The following TNFSF4 variants were observed in gnomAD, a reference collection of about 807,000 sequenced individuals.
TNFSF4 encodes TNF superfamily member 4.
Under a neutral mutation model 7.3 loss-of-function variants are expected in TNFSF4, and 4 were observed. That is an observed-to-expected ratio of 0.55 (90% CI 0.27 to 1.25). The LOEUF (loss-of-function observed/expected upper bound fraction) is 1.25, where lower values mean the gene tolerates loss of function less well. Among genes scored for constraint, TNFSF4 ranks in the 50% most tolerant of loss-of-function variants. The pLI is 0.12. For missense variants in TNFSF4, 181 were observed against 208.8 expected, an observed-to-expected ratio of 0.87 and a Z score of 0.82; for synonymous variants, 76 against 83.7, an observed-to-expected ratio of 0.91 and a Z score of 0.50.
the TNFSF4 span, among the ~76,000 whole-genome samples, chr1:173,411,263 A>G: frequency 6.6e-6 from 1 of 152,016 alleles, no homozygotes; most frequent in Non-Finnish European, 1.5e-5. Flanking sequence ...GACTAGTGTC[A>G]GGGGCAGGGG....
the TNFSF4 span, among the ~76,000 whole-genome samples, chr1:173,261,741 A>G: frequency 3.3e-5 from 5 of 152,184 alleles, no homozygotes; most frequent in African/African-American, 1.2e-4. Flanking sequence ...GAAATGGATA[A>G]ATTCCTGGAC....
the TNFSF4 span, among the ~76,000 whole-genome samples, chr1:173,259,763 G>C: frequency 6.6e-6 from 1 of 152,162 alleles, no homozygotes; most frequent in Non-Finnish European, 1.5e-5. Context: ...AGACTATCTT[G>C]CTGAAATAAG....
At chr1:173,347,729 G>A in the TNFSF4 span, among the ~76,000 whole-genome samples, 1 of 152,216 alleles carries the variant, frequency 6.6e-6, no homozygotes, top group Admixed American at 6.5e-5. Context: ...TGGCAAGGGG[G>A]TGTATAACTA....
the TNFSF4 span, among the ~76,000 whole-genome samples, chr1:173,391,435 C>CAAAAAA: frequency 6.4e-5 from 7 of 108,818 alleles, no homozygotes; most frequent in African/African-American, 1.7e-4. Context: ...CCTTAGAAAG[C>CAAAAAA]AAAAAAAAAA....
At chr1:173,267,141 T>G in the TNFSF4 span, among the ~76,000 whole-genome samples, 1 of 152,182 alleles carries the variant, frequency 6.6e-6, no homozygotes, top group Non-Finnish European at 1.5e-5. Context: ...AGATGTATTA[T>G]TAATCAACTA....
the TNFSF4 span, among the ~76,000 whole-genome samples, chr1:173,438,824 G>A: frequency 6.6e-6 from 1 of 152,210 alleles, no homozygotes; most frequent in African/African-American, 2.4e-5. Flanking sequence ...CACAGACTGA[G>A]TAAAAGTCCA....
the TNFSF4 span, among the ~76,000 whole-genome samples, chr1:173,394,975 TAATAGAGGACACATA>T: frequency 1.4e-5 from 2 of 146,576 alleles, no homozygotes; most frequent in Non-Finnish European, 3.0e-5. Context: ...GACAGATAGA[TAATAGAGGACACATA>T]GATAGATAGA....
chr1:173,244,710 A>T, the TNFSF4 span, among the ~76,000 whole-genome samples: 1 of 152,010 alleles, frequency 6.6e-6, no homozygotes, highest in Non-Finnish European at 1.5e-5. Context: ...AATTGGGGGT[A>T]GCACATGGAG....
At chr1:173,374,139 CA>C in the TNFSF4 span, among the ~76,000 whole-genome samples, 2 of 152,178 alleles carry the variant, frequency 1.3e-5, no homozygotes, top group African/African-American at 4.8e-5. Flanking sequence ...GGGGCTCAGT[CA>C]ATATGATATG....
chr1:173,425,712 T>C, the TNFSF4 span, among the ~76,000 whole-genome samples: 1 of 152,236 alleles, frequency 6.6e-6, no homozygotes, highest in Non-Finnish European at 1.5e-5. Context: ...ATAGAGTAAA[T>C]GGTTAATGCA....
the TNFSF4 span, among the ~76,000 whole-genome samples, chr1:173,324,672 T>A: frequency 6.6e-6 from 1 of 152,096 alleles, no homozygotes; most frequent in Non-Finnish European, 1.5e-5. Context: ...GAGGAAGATC[T>A]ACCAAGCAAA....
At chr1:173,383,938 C>G in the TNFSF4 span, among the ~76,000 whole-genome samples, 281 of 152,298 alleles carry the variant, frequency 1.8e-3, 3 homozygotes, top group East Asian at 0.04. Flanking sequence ...AACTGGCACA[C>G]AGTGGAAAGA....
intron 2 of TNFSF4, 35 bp from the exon 3 acceptor site, chr1:173,186,900 T>G (rs1372947787): frequency 6.9e-7 from 1 of 1,439,064 alleles, no homozygotes; most frequent in Non-Finnish European, 9.5e-7. Context: ...TTTAATTAAT[T>G]CCTAAGCATA....
chr1:173,420,025 T>C, the TNFSF4 span, among the ~76,000 whole-genome samples: 6 of 152,190 alleles, frequency 3.9e-5, no homozygotes, highest in African/African-American at 1.4e-4. Flanking sequence ...ATTTAACGCA[T>C]GTTTATTGAG....
chr1:173,301,211 T>C, the TNFSF4 span, among the ~76,000 whole-genome samples: 1 of 152,014 alleles, frequency 6.6e-6, no homozygotes, highest in East Asian at 1.9e-4. Context: ...AACAAATCTA[T>C]TTTGATAGAA....
the TNFSF4 span, among the ~76,000 whole-genome samples, chr1:173,369,872 A>C: frequency 4.6e-5 from 7 of 152,086 alleles, no homozygotes; most frequent in African/African-American, 1.7e-4. Flanking sequence ...CACACTATGC[A>C]AAGCTTGCAA....
the TNFSF4 span, among the ~76,000 whole-genome samples, chr1:173,176,020 A>G: frequency 1.3e-5 from 2 of 152,130 alleles, no homozygotes; most frequent in Non-Finnish European, 2.9e-5. Flanking sequence ...TTGTAAGTAC[A>G]TGGCTGGGGC....
At chr1:173,290,428 C>G in the TNFSF4 span, among the ~76,000 whole-genome samples, 2 of 152,094 alleles carry the variant, frequency 1.3e-5, no homozygotes, top group African/African-American at 4.8e-5. Flanking sequence ...AAAAAAAGAG[C>G]AGGGGTTACT....
the TNFSF4 span, among the ~76,000 whole-genome samples, chr1:173,306,630 C>A: frequency 6.6e-6 from 1 of 151,930 alleles, no homozygotes. Context: ...TCTACACTTC[C>A]TTTCACATAC....
Sources: gnomAD v4.1 joint callset for allele counts (sites outside exome capture counted in the v4.1 genomes callset) on GRCh38, gnomAD v4.1.1 for gene constraint, MANE v1.5 for transcripts, NCBI Gene and HGNC (gene_info 2026-07-23, HGNC 2026-07-21) for gene names.